ALS2: variants seen among roughly 807,000 people sequenced by gnomAD.
ALS2 encodes alsin Rho guanine nucleotide exchange factor ALS2.
Under a neutral mutation model 203.4 loss-of-function variants are expected in ALS2, and 117 were observed. The ratio of observed to expected loss-of-function variants is 0.58; its 90% CI spans 0.50 to 0.67. ALS2 has a LOEUF of 0.67. ALS2 is among the 30% of genes least tolerant of loss of function. The pLI, the probability that ALS2 is intolerant of heterozygous loss-of-function variation, is 0.00. For missense variants in ALS2, 1,715 were observed against 1,989.4 expected, an observed-to-expected ratio of 0.86 and a Z score of 2.62; for synonymous variants, 718 against 725.9, an observed-to-expected ratio of 0.99 and a Z score of 0.17.
intron 3 of ALS2, among the ~76,000 whole-genome samples, chr2:201,764,686 A>G (rs189170959): frequency 1.2e-4 from 18 of 144,032 alleles, no homozygotes; most frequent in Non-Finnish European, 9.2e-5. Flanking sequence ...AATAAATAAA[A>G]GTGAATCAAT....
chr2:201,704,270 T>A (rs1307907931), intron 32 of ALS2, 52 bp from the exon 33 acceptor site: 1 of 1,542,888 alleles, frequency 6.5e-7, no homozygotes, highest in Admixed American at 1.7e-5. Flanking sequence ...ATGTCCATTC[T>A]CCTTTTGAAT....
rs866450279 is a variant in ALS2, at chr2:201,716,450, A to G, written c.3837-611T>C. ...TCCCAGCTACTTGGGAGGCTGGGGCAGGAGAATCGCTTGAACCCAGAAGGC... is the reference window on the plus strand; with the variant it reads ...TCCCAGCTACTTGGGAGGCTGGGGCGGGAGAATCGCTTGAACCCAGAAGGC... On this transcript the variant is annotated intron_variant, in intron 24 of 33. Coordinates refer to ENST00000264276, the MANE Select transcript of ALS2 (RefSeq NM_020919.4). Among the ~76,000 whole-genome samples the G allele has an allele frequency of 1.1e-4, 16 of 150,738 alleles. 3 individuals are homozygous for G. In the Middle Eastern group the frequency reaches 0.034, roughly 320 times the overall value.
chr2:201,702,840 G>A (rs1240887394), intron 33 of ALS2, among the ~76,000 whole-genome samples: 1 of 152,194 alleles, frequency 6.6e-6, no homozygotes, highest in Non-Finnish European at 1.5e-5. Context: ...GGTAGGCCAG[G>A]TGCAGTGGCT....
rs550658465 is a variant in ALS2 at position 201,706,167 on chromosome 2, C to G, written c.4580+679G>C. Among the ~76,000 whole-genome samples, 4 of 152,258 alleles carry G rather than the reference C, an allele frequency of 2.6e-5. No homozygotes were observed. In the South Asian group the frequency reaches 8.3e-4, roughly 32 times the overall value. Reference sequence around the variant, plus strand: ...TTGGGAGGCCGAGGCGAGCAGATCACTTGAGGCAAAGAGTTCGAGACCAGC... The same window carrying G: ...TTGGGAGGCCGAGGCGAGCAGATCAGTTGAGGCAAAGAGTTCGAGACCAGC... On this transcript the variant is annotated intron_variant, in intron 29 of 33. Coordinates refer to ENST00000264276, the MANE Select transcript of ALS2 (RefSeq NM_020919.4).
intron 5 of ALS2, among the ~76,000 whole-genome samples, chr2:201,756,901 AT>A (rs59416081): frequency 0.2 from 31,076 of 152,160 alleles, 3,517 homozygotes; most frequent in East Asian, 0.4. Context: ...CTTGAGAAGC[AT>A]TAAGTCCAGA....
intron 5 of ALS2, among the ~76,000 whole-genome samples, chr2:201,757,188 G>A (rs532320412): frequency 1.4e-4 from 21 of 152,264 alleles, no homozygotes; most frequent in African/African-American, 4.1e-4. Flanking sequence ...ATAAGCAGGA[G>A]CAAACATCAA....
At chr2:201,772,114 C>T (rs912184923) in intron 1 of ALS2, among the ~76,000 whole-genome samples, 1 of 152,192 alleles carries the variant, frequency 6.6e-6, no homozygotes, top group African/African-American at 2.4e-5. Context: ...AGTAACAAAA[C>T]CCCAGGGGGC....
rs753725189 is a variant in ALS2, at chr2:201,741,659, G to C, written c.2351+15C>G. 3.1e-6 allele frequency: 5 copies of C among 1,612,892 alleles called. No homozygotes were observed. Among genetic ancestry groups the C allele is most frequent in the Non-Finnish European group, 4.2e-6 (5 of 1,179,074 alleles). ...CCCTGCAGAGATTGAACATGACACG[G>C]GACTGGATACTTGCTCTGTATAACT... is the stretch of plus-strand genomic sequence containing the variant. On this transcript the variant is annotated intron_variant, in intron 11 of 33. Transcript: ENST00000264276.
chr2:201,704,607 T>C lies in ALS2; in HGVS notation c.4689-4A>G. ...GTCTGATGGGGTAAATGTTGTGCTG[T>C]TACAGAAACAATGACAAAAAGACAT... is the stretch of plus-strand genomic sequence containing the variant. On this transcript the variant is annotated splice_polypyrimidine_tract_variant and splice_region_variant and intron_variant, in intron 31 of 33. Coordinates refer to ENST00000264276, the MANE Select transcript of ALS2 (RefSeq NM_020919.4). 6.2e-7 allele frequency: 1 copy of C among 1,614,090 alleles called. No individual in the cohort carries two copies. The highest frequency in any genetic ancestry group is 8.5e-7 in the Non-Finnish European group (1 of 1,179,974).
intron 24 of ALS2, 131 bp downstream of exon 24, chr2:201,717,945 TA>T: frequency 1.1e-6 from 1 of 951,026 alleles, no homozygotes; most frequent in Non-Finnish European, 1.5e-6. Context: ...TCTCAAAAAA[TA>T]AAAATAAAAT....
chr2:201,711,487 T>C (rs1004763587), intron 25 of ALS2, among the ~76,000 whole-genome samples: 1 of 152,082 alleles, frequency 6.6e-6, no homozygotes, highest in Non-Finnish European at 1.5e-5. Context: ...GATAGACCCG[T>C]TGGTGACAAC....
In ALS2 at chr2:201,710,915, G is replaced by C. The variant is rs1689988650; in HGVS notation, c.4122+76C>G. The C allele has an allele frequency of 5.5e-6, 5 of 912,950 alleles. No individual in the cohort carries two copies. In the Admixed American group the frequency reaches 8.5e-5, roughly 16 times the overall value. The allele number at this position is 912,950 out of a possible 1,614,324, so 56.6% of individuals were successfully genotyped here. On this transcript the variant is annotated intron_variant, in intron 26 of 33. Coordinates refer to ENST00000264276, the MANE Select transcript of ALS2 (RefSeq NM_020919.4). ...CAGGATTAGAATAACATTAAGCTGT[G>C]AGTCTATCTGAATGATATATTGTGG... is the stretch of plus-strand genomic sequence containing the variant.
chr2:201,724,420 A>T lies in ALS2; in HGVS notation c.3387T>A (p.Asp1129Glu). The T allele has an allele frequency of 6.2e-7, 1 of 1,614,124 alleles. No homozygotes were observed. The highest frequency in any genetic ancestry group is 8.5e-7 in the Non-Finnish European group (1 of 1,179,972). Residue 1129 changes from aspartate (D) to glutamate (E), a missense_variant, in exon 21 of 34, where the codon GAT becomes GAA. By Grantham distance (45) the Asp-to-Glu change is conservative. This residue lies in a region of ALS2 where 1,227 missense variants were observed against 1,413.5 expected (regional missense o/e 0.87). Coordinates refer to ENST00000264276, the MANE Select transcript of ALS2 (RefSeq NM_020919.4). ...GAAGACCATGACCATGACGCATATT[A>T]TCTTGAAAACAGCCCTCAAATACTT... ...SGEVFEGCFQ[D>E]NMRHGHGLLR...
chr2:201,711,961 G>A (rs1382692234), intron 25 of ALS2, among the ~76,000 whole-genome samples: 1 of 152,164 alleles, frequency 6.6e-6, no homozygotes, highest in East Asian at 1.9e-4. Flanking sequence ...CGCACAAGGG[G>A]CAGTCAATGG....
rs182861797 is a variant in ALS2 at position 201,767,572 on chromosome 2, A to T, written c.21-189T>A. ...GGTAAAACAACTATTTATATAAAAGACTGAAGGATGTGGGGCGTGGTGGCT... is the reference window on the plus strand; with the variant it reads ...GGTAAAACAACTATTTATATAAAAGTCTGAAGGATGTGGGGCGTGGTGGCT... On this transcript the variant is annotated intron_variant, in intron 2 of 33. Transcript: ENST00000264276. Among the ~76,000 whole-genome samples, 823 of 152,132 alleles carry T rather than the reference A, an allele frequency of 5.4e-3. 6 individuals carry two copies. The highest frequency in any genetic ancestry group is 0.019 in the African/African-American group (801 of 41,500).
At chr2:201,769,237 A>G (rs1694255902) in intron 1 of ALS2, among the ~76,000 whole-genome samples, 1 of 152,198 alleles carries the variant, frequency 6.6e-6, no homozygotes, top group African/African-American at 2.4e-5. Context: ...TATTATAAAG[A>G]AAAAAGTTCA....
rs138406195 is a variant in ALS2, at chr2:201,715,965, T to C, written c.3837-126A>G. 3.7e-3 allele frequency: 3,517 copies of C among 940,084 alleles called. 13 individuals carry two copies. Among genetic ancestry groups the C allele is most frequent in the Middle Eastern group, 0.013 (60 of 4,664 alleles). 58.2% of individuals were successfully genotyped at this position (940,084 alleles called of 1,614,324 possible). A position where few individuals can be genotyped will look rare whatever the true frequency, so the allele number is the denominator to read the frequency against. On this transcript the variant is annotated intron_variant, in intron 24 of 33. Coordinates refer to ENST00000264276, the MANE Select transcript of ALS2 (RefSeq NM_020919.4). Reference sequence around the variant, plus strand: ...TGACCAAAACTGCCAAGACTGATGGTAATTCTATTTTTAAAACACTAAATG... The same window carrying C: ...TGACCAAAACTGCCAAGACTGATGGCAATTCTATTTTTAAAACACTAAATG...
At position 201,746,663 on chromosome 2, in the gene ALS2, C is replaced by T; in HGVS notation, c.1901G>A (p.Gly634Glu). 6.8e-6 allele frequency: 11 copies of T among 1,614,106 alleles called. No homozygotes were observed. Among genetic ancestry groups the T allele is most frequent in the Non-Finnish European group, 8.5e-6 (10 of 1,180,022 alleles). The change falls in exon 9 of 34, where the codon GGG becomes GAG. Residue 634 changes from glycine to glutamate, a missense_variant. By Grantham distance (98) the Gly-to-Glu change is moderately conservative. Coordinates refer to ENST00000264276, the MANE Select transcript of ALS2 (RefSeq NM_020919.4). ...FLVDTEDFQPGLYYSGRQDPT... is the reference protein window; with the variant it reads ...FLVDTEDFQPELYYSGRQDPT... ...GTCCTGTCGGCCACTGTAATATAAC[C>T]CAGGCTGGAAGTCTTCTGTATCCAC...
At chr2:201,719,788 G>T (rs1353470150) in intron 23 of ALS2, among the ~76,000 whole-genome samples, 1 of 152,092 alleles carries the variant, frequency 6.6e-6, no homozygotes, top group Non-Finnish European at 1.5e-5. Context: ...ATGACATTTT[G>T]TTAAAGCATC....
Sources: allele counts gnomAD v4.1 joint callset (sites outside exome capture counted in the v4.1 genomes callset), GRCh38; gene constraint gnomAD v4.1.1; regional missense constraint gnomAD v4.1.1; transcripts MANE v1.5; gene names NCBI Gene and HGNC (gene_info 2026-07-23, HGNC 2026-07-21).